Variants in TBL2 observed in about 807,000 individuals in gnomAD.
TBL2 encodes the protein transducin beta-like protein 2.
In TBL2, 33 loss-of-function variants were observed where a neutral mutation model predicts 41.8. That is an observed-to-expected ratio of 0.79 (90% CI 0.60 to 1.06). The LOEUF is 1.06. TBL2 is among the 50% of genes least tolerant of loss of function. The probability of loss-of-function intolerance (pLI) is 0.00; values close to 1 mark genes in which losing one functional copy is unlikely to be tolerated. For synonymous variants in TBL2, 239 were observed against 241.7 expected, an observed-to-expected ratio of 0.99 and a Z score of 0.10; for missense variants, 522 against 603.8, an observed-to-expected ratio of 0.86 and a Z score of 1.42.
At chr7:73,577,503 G>A (rs1793412356) in intron 1 of TBL2, among the ~76,000 whole-genome samples, 1 of 152,178 alleles carries the variant, frequency 6.6e-6, no homozygotes, top group African/African-American at 2.4e-5. Context: ...GAACCTGGCA[G>A]GCGGAAGTTG....
intron 1 of TBL2, chr7:73,576,472 A>C (rs1484190839): frequency 2.7e-6 from 1 of 368,866 alleles, no homozygotes; most frequent in Non-Finnish European, 5.5e-6. Context: ...AGGCTGAGGC[A>C]GGAGAATCAC....
rs1259426392 is a variant in TBL2 at position 73,578,452 on chromosome 7, C to T, written c.98G>A (p.Arg33His). Reference protein sequence around the residue: ...ATAAVARGWLRAGEERSGRPA... With the variant: ...ATAAVARGWLHAGEERSGRPA... Reference sequence around the variant, plus strand: ...CCGGCCGCTCCTCTCCTCCCCCGCGCGCAGCCACCCCCGCGCTACCGCCGC... The same window carrying T: ...CCGGCCGCTCCTCTCCTCCCCCGCGTGCAGCCACCCCCGCGCTACCGCCGC... Residue 33 changes from arginine to histidine, a missense_variant, in exon 1 of 7, where the codon CGC becomes CAC. Transcript: ENST00000305632. 2.6e-6 allele frequency: 4 copies of T among 1,549,232 alleles called. No individual in the cohort carries two copies. The Admixed American group carries it at 7.7e-5, about 30-fold the overall frequency.
chr7:73,572,596 G>C (rs1239427005), intron 5 of TBL2, among the ~76,000 whole-genome samples: 2 of 152,212 alleles, frequency 1.3e-5, no homozygotes, highest in African/African-American at 4.8e-5. Context: ...GCTCCAGCCT[G>C]GGTGACAGAG....
chr7:73,571,201 T>C lies in TBL2; in HGVS notation c.866A>G (p.Asn289Ser), dbSNP rs549519216. 4 of 1,614,208 alleles carry C rather than the reference T, an allele frequency of 2.5e-6. No homozygotes were observed. Among genetic ancestry groups the C allele is most frequent in the African/African-American group, 1.3e-5 (1 of 75,066 alleles). Residue 289 changes from asparagine (N) to serine (S), a missense_variant, in exon 6 of 7, where the codon AAC (asparagine) becomes AGC (serine). Asn to Ser is a conservative substitution (Grantham distance 46, BLOSUM62 1). Transcript: ENST00000305632. ...CGGATTCACTCACCTCCGTGAGTCG[T>C]TGGAGAAAGCAAACGAGTGCACAGC... ...SAAVHSFAFS[N>S]DSRRMASVSK...
Position 73,570,961 on chromosome 7 carries a change from A to G in TBL2, c.890T>C (p.Val297Ala), listed in dbSNP as rs1353745759. Residue 297 changes from valine (V) to alanine (A), a missense_variant, in exon 7 of 7, where the codon GTC becomes GCC. Coordinates refer to ENST00000305632, the MANE Select transcript of TBL2 (RefSeq NM_012453.4). Reference sequence around the variant, plus strand: ...CAGTTTCCATGTACCATCCTTGGAGACAGAAGCCATCCTGCAACACAGAAA... The same window carrying G: ...CAGTTTCCATGTACCATCCTTGGAGGCAGAAGCCATCCTGCAACACAGAAA... The part of the protein sequence containing the change: ...FSNDSRRMAS[V>A]SKDGTWKLWD... 1 of 1,600,920 alleles carries G rather than the reference A, an allele frequency of 6.2e-7. No homozygotes were observed. The highest frequency in any genetic ancestry group is 8.5e-7 in the Non-Finnish European group (1 of 1,172,306).
intron 1 of TBL2, chr7:73,578,127 G>T: frequency 2.3e-6 from 2 of 861,408 alleles, no homozygotes; most frequent in Non-Finnish European, 3.4e-6. Flanking sequence ...CACGGAGCAG[G>T]CTGAAGAGTT....
In TBL2 at chr7:73,578,509, A is replaced by G. The variant is rs782077046; in HGVS notation, c.41T>C (p.Val14Ala). ...CATCAGGGCCAGCAGCCCAAGCAAC[A>G]CCGACAGCCCCATGAGCTCCGACAT... ...SQMSELMGLS[V>A]LLGLLALMAT... Residue 14 changes from valine (V) to alanine (A), a missense_variant, in exon 1 of 7, where the codon GTG becomes GCG. Physicochemically the swap from Val to Ala is moderately conservative, Grantham distance 64 (BLOSUM62 0). Transcript: ENST00000305632. The G allele has an allele frequency of 9.1e-6, 14 of 1,536,870 alleles. No individual in the cohort carries two copies. Among genetic ancestry groups the G allele is most frequent in the Non-Finnish European group, 1.2e-5 (14 of 1,138,156 alleles).
At chr7:73,578,103 T>A (rs1554589346) in intron 1 of TBL2, 1 of 678,574 alleles carries the variant, frequency 1.5e-6, no homozygotes, top group South Asian at 2.0e-5. Flanking sequence ...TGGTGCTTTT[T>A]CCGAGATCGC....
At chr7:73,571,434 T>A (rs782397252) in intron 5 of TBL2, 93 bp from the exon 6 acceptor site, 773 of 1,538,328 alleles carry the variant, frequency 5.0e-4, no homozygotes, top group Non-Finnish European at 6.6e-4. Context: ...AAGTTGATAA[T>A]CCTCATATCT....
At chr7:73,574,335 T>C (rs1380927225) in intron 2 of TBL2, 48 bp downstream of exon 2, 2 of 1,609,588 alleles carry the variant, frequency 1.2e-6, no homozygotes, top group Non-Finnish European at 8.5e-7. Flanking sequence ...AGGAAAAGCC[T>C]GTGGGGCTGA....
rs17341242 is a variant in TBL2, at chr7:73,569,970, A to G, written c.*537T>C. 0.032 allele frequency: 4,913 copies of G among 152,732 alleles called. 123 individuals are homozygous for G. The highest frequency in any genetic ancestry group is 0.078 in the Admixed American group (1,201 of 15,322). The allele number at this position is 152,732 out of a possible 1,614,324, so 9.5% of individuals were successfully genotyped here. On this transcript the variant is annotated 3_prime_UTR_variant, in exon 7 of 7. Transcript: ENST00000305632. ...CTTGATATTCTCTTAGCCTCATATC[A>G]TCTTTGCAAGGAGTTCACAGAGAGG...
rs994573429 is a variant in TBL2 at position 73,568,631 on chromosome 7, T to A, written c.*1876A>T. Among the ~76,000 whole-genome samples, 3 of 152,110 alleles carry A rather than the reference T, an allele frequency of 2.0e-5. No individual in the cohort carries two copies. Among genetic ancestry groups the A allele is most frequent in the African/African-American group, 7.2e-5 (3 of 41,426 alleles). Reference sequence around the variant, plus strand: ...GCAGGCCATGGTAAGAATTTTGGATTAAGTGTTTTTAGCTAGGCACGATGG... The same window carrying A: ...GCAGGCCATGGTAAGAATTTTGGATAAAGTGTTTTTAGCTAGGCACGATGG... On this transcript the variant is annotated 3_prime_UTR_variant, in exon 7 of 7. Transcript: ENST00000305632.
chr7:73,578,364 G>C (rs1793471496), intron 1 of TBL2, 56 bp downstream of exon 1: 1 of 1,527,246 alleles, frequency 6.5e-7, no homozygotes, highest in Non-Finnish European at 8.8e-7. Context: ...CGGACCACGA[G>C]GAGGCCGGGA....
At position 73,578,530 on chromosome 7, in the gene TBL2, G is replaced by A. The variant is rs781866230; in HGVS notation, c.20C>T (p.Ser7Leu). 9 of 1,588,642 alleles carry A rather than the reference G, an allele frequency of 5.7e-6. No individual in the cohort carries two copies. In the African/African-American group the frequency reaches 7.0e-5, roughly 12 times the overall value. Reference protein sequence around the residue: MELSQMSELMGLSVLLG... With the variant: MELSQMLELMGLSVLLG... ...CAACACCGACAGCCCCATGAGCTCC[G>A]ACATCTGCGAGAGCTCCATGTTGGT... Residue 7 changes from serine to leucine, a missense_variant, in exon 1 of 7, where the codon TCG (serine) becomes TTG (leucine). Coordinates refer to ENST00000305632, the MANE Select transcript of TBL2 (RefSeq NM_012453.4).
At chr7:73,575,364 C>A (rs1368797072) in intron 1 of TBL2, among the ~76,000 whole-genome samples, 3 of 151,542 alleles carry the variant, frequency 2.0e-5, no homozygotes, top group African/African-American at 7.3e-5. Flanking sequence ...GATCTCAGCT[C>A]ACTGCAAGCT....
chr7:73,573,057 C>A, intron 4 of TBL2, 87 bp from the exon 5 acceptor site: 2 of 1,573,400 alleles, frequency 1.3e-6, no homozygotes, highest in East Asian at 2.3e-5. Flanking sequence ...CTCTGCTGCC[C>A]GAAGTATACA....
At chr7:73,571,369 A>G in intron 5 of TBL2, 28 bp from the exon 6 acceptor site, 1 of 1,613,410 alleles carries the variant, frequency 6.2e-7, no homozygotes, top group Non-Finnish European at 8.5e-7. Context: ...AGCCTTTAAA[A>G]CTTCATTTTC....
In TBL2 at chr7:73,578,346, C is replaced by A. The variant is rs1793469843; in HGVS notation, c.130+74G>T. Reference sequence around the variant, plus strand: ...GGGCCCCACCAGCCGCGGGCCCAAACCGCAGGTCGGACCACGAGGAGGCCG... The same window carrying A: ...GGGCCCCACCAGCCGCGGGCCCAAAACGCAGGTCGGACCACGAGGAGGCCG... On this transcript the variant is annotated intron_variant, in intron 1 of 6. Coordinates refer to ENST00000305632, the MANE Select transcript of TBL2 (RefSeq NM_012453.4). The A allele has an allele frequency of 2.0e-6, 3 of 1,535,728 alleles. No homozygotes were observed. In the African/African-American group the frequency reaches 4.2e-5, roughly 21 times the overall value.
intron 1 of TBL2, chr7:73,574,822 A>C (rs1166063355): frequency 9.1e-6 from 4 of 437,340 alleles, no homozygotes; most frequent in Non-Finnish European, 1.3e-5. Context: ...AAAAAAAAAC[A>C]AACAGAAAAC....
Sources: allele counts gnomAD v4.1 joint callset (sites outside exome capture counted in the v4.1 genomes callset), GRCh38; gene constraint gnomAD v4.1.1; transcripts MANE v1.5; gene names NCBI Gene and HGNC (gene_info 2026-07-23, HGNC 2026-07-21).